Variants in MCC observed in about 807,000 individuals in gnomAD.
MCC encodes MCC regulator of Wnt signaling pathway.
In MCC, 90 loss-of-function variants were observed where a neutral mutation model predicts 116.2. The observed-to-expected ratio is 0.77, with a 90% CI of 0.65 to 0.92. The LOEUF is 0.92. Ranked by LOEUF, MCC falls within the 40% of genes least tolerant of loss-of-function variation. The probability of loss-of-function intolerance (pLI) is 0.00; values close to 1 mark genes in which losing one functional copy is unlikely to be tolerated. For missense variants in MCC, 1,516 were observed against 1,312.2 expected (o/e 1.16, Z -2.40); for synonymous variants, 578 against 510.5 (o/e 1.13, Z -1.78).
At chr5:113,436,132 G>C (rs1246848074) in intron 1 of MCC, 1 of 152,464 alleles carries the variant, frequency 6.6e-6, no homozygotes, top group Non-Finnish European at 1.5e-5. Context: ...AGTAGAGCTG[G>C]ATGTCGCTCA....
At chr5:113,221,704 A>C (rs942816060) in intron 3 of MCC, among the ~76,000 whole-genome samples, 2 of 152,242 alleles carry the variant, frequency 1.3e-5, no homozygotes, top group Non-Finnish European at 2.9e-5. Flanking sequence ...TGTGGACCTG[A>C]CTGAGGAACT....
chr5:113,062,883 T>C (rs1753320351), intron 14 of MCC, among the ~76,000 whole-genome samples: 1 of 152,202 alleles, frequency 6.6e-6, no homozygotes, highest in African/African-American at 2.4e-5. Flanking sequence ...GAACATTAAG[T>C]TGCTTTCCAG....
chr5:113,187,402 C>T (rs1014665313), intron 3 of MCC, among the ~76,000 whole-genome samples: 3 of 152,156 alleles, frequency 2.0e-5, no homozygotes, highest in African/African-American at 7.2e-5. Context: ...AGCCACAGCA[C>T]CCGGCCTCCT....
chr5:113,100,825 G>GCACAACTA (rs1195398282), intron 8 of MCC, among the ~76,000 whole-genome samples: 1 of 152,140 alleles, frequency 6.6e-6, no homozygotes, highest in Admixed American at 6.5e-5. Context: ...AGCAGTCAGA[G>GCACAACTA]CACAACTAGA....
At chr5:113,328,669 A>T (rs1767625193) in intron 3 of MCC, among the ~76,000 whole-genome samples, 1 of 152,210 alleles carries the variant, frequency 6.6e-6, no homozygotes, top group African/African-American at 2.4e-5. Flanking sequence ...AAATAACTGC[A>T]CAATCGTGTC....
intron 1 of MCC, chr5:113,435,645 G>A (rs26982): frequency 0.092 from 14,008 of 152,620 alleles, 979 homozygotes; most frequent in Non-Finnish European, 0.12. Context: ...CCGGAGTCAC[G>A]CAGTTTGAGA....
chr5:113,174,610 A>C (rs1415654555), intron 3 of MCC, among the ~76,000 whole-genome samples: 3 of 151,226 alleles, frequency 2.0e-5, no homozygotes, highest in Admixed American at 1.3e-4. Flanking sequence ...TTTTTTCTTA[A>C]GACTTTTTTT....
chr5:113,207,751 C>A (rs1762971285), intron 3 of MCC, among the ~76,000 whole-genome samples: 1 of 152,152 alleles, frequency 6.6e-6, no homozygotes, highest in South Asian at 2.1e-4. Flanking sequence ...TGAGGTATAT[C>A]AATGGTCTAT....
chr5:113,053,494 T>C (rs565602382), intron 15 of MCC, among the ~76,000 whole-genome samples: 39 of 140,666 alleles, frequency 2.8e-4, no homozygotes, highest in African/African-American at 1.0e-3. Flanking sequence ...GGCTCCAAAG[T>C]TGGGCTGGGA....
At chr5:113,042,982 G>A (rs1365528599) in intron 17 of MCC, among the ~76,000 whole-genome samples, 1 of 152,158 alleles carries the variant, frequency 6.6e-6, no homozygotes, top group African/African-American at 2.4e-5. Context: ...CGGGGAAAAA[G>A]CAGTGATGGA....
rs191460220 is a variant in MCC, at chr5:113,026,490, T to G, written c.*812A>C. 6.6e-6 allele frequency: 1 copy of G among 152,222 alleles called. No individual in the cohort carries two copies. Among genetic ancestry groups the G allele is most frequent in the Admixed American group, 6.5e-5 (1 of 15,280 alleles). The allele number at this position is 152,222 out of a possible 1,614,324, so 9.4% of individuals were successfully genotyped here. ...ACCCCTGACAGAATTTTAGTTCCAC[T>G]ACAGGTATCAAAAAGATTCCCAGCT... On this transcript the variant is annotated 3_prime_UTR_variant, in exon 19 of 19. Coordinates refer to ENST00000408903, the MANE Select transcript of MCC (RefSeq NM_001085377.2).
At chr5:113,196,646 G>C (rs967355598) in intron 3 of MCC, among the ~76,000 whole-genome samples, 6 of 152,108 alleles carry the variant, frequency 3.9e-5, no homozygotes, top group Non-Finnish European at 4.4e-5. Context: ...TCAGGAGATC[G>C]AGACCATCCT....
At chr5:113,083,743 T>C (rs184097933) in intron 10 of MCC, among the ~76,000 whole-genome samples, 148 of 152,264 alleles carry the variant, frequency 9.7e-4, no homozygotes, top group African/African-American at 3.4e-3. Flanking sequence ...TCAAGATGGA[T>C]GTGCAAAAGA....
At chr5:113,062,845 G>A (rs1753316209) in intron 14 of MCC, among the ~76,000 whole-genome samples, 1 of 152,168 alleles carries the variant, frequency 6.6e-6, no homozygotes, top group Non-Finnish European at 1.5e-5. Context: ...GTAGATGGCG[G>A]GTCCCACCAG....
At chr5:113,235,490 G>A (rs1337194171) in intron 3 of MCC, among the ~76,000 whole-genome samples, 1 of 152,182 alleles carries the variant, frequency 6.6e-6, no homozygotes, top group East Asian at 1.9e-4. Context: ...AATTTAAGTG[G>A]AATTTAGCAC....
intron 1 of MCC, among the ~76,000 whole-genome samples, chr5:113,410,083 T>C (rs1299462596): frequency 6.6e-6 from 1 of 152,214 alleles, no homozygotes; most frequent in Non-Finnish European, 1.5e-5. Flanking sequence ...GACATACCTA[T>C]GTCTCTGTCT....
chr5:113,459,399 G>A (rs900252347), intron 1 of MCC, among the ~76,000 whole-genome samples: 4 of 151,884 alleles, frequency 2.6e-5, no homozygotes, highest in African/African-American at 7.2e-5. Context: ...TTGGCCGGGC[G>A]TGGTTGTGGG....
intron 4 of MCC, among the ~76,000 whole-genome samples, chr5:113,151,101 C>T (rs1299082321): frequency 4.6e-5 from 7 of 152,168 alleles, no homozygotes; most frequent in Non-Finnish European, 4.4e-5. Context: ...CCTTGGACTT[C>T]GTAGCTTCTG....
At chr5:113,288,056 G>T (rs565496492) in intron 3 of MCC, among the ~76,000 whole-genome samples, 20 of 152,274 alleles carry the variant, frequency 1.3e-4, no homozygotes, top group African/African-American at 2.9e-4. Context: ...CCAGCCAAAC[G>T]AACCATCTCT....
Sources: gnomAD v4.1 joint callset for allele counts (sites outside exome capture counted in the v4.1 genomes callset) on GRCh38, gnomAD v4.1.1 for gene constraint, MANE v1.5 for transcripts, NCBI Gene and HGNC (gene_info 2026-07-23, HGNC 2026-07-21) for gene names.